COL5A1: variants seen among roughly 807,000 people sequenced by gnomAD.
The protein encoded by COL5A1 is collagen alpha-1(V) chain.
A neutral mutation model predicts 263.7 loss-of-function variants in COL5A1; 16 were observed. The observed-to-expected ratio is 0.06, with a 90% confidence interval of 0.04 to 0.09. The LOEUF is 0.09. Among genes scored for constraint, COL5A1 ranks in the 10% least tolerant of loss-of-function variants. The pLI is 1.00. For missense variants in COL5A1, 2,036 were observed against 2,540.5 expected, an observed-to-expected ratio of 0.80 and a Z score of 4.27; for synonymous variants, 1,012 against 1,004.5, an observed-to-expected ratio of 1.01 and a Z score of -0.14.
chr9:134,683,832 T>A (rs1172170374), intron 1 of COL5A1, among the ~76,000 whole-genome samples: 1 of 152,212 alleles, frequency 6.6e-6, no homozygotes, highest in Non-Finnish European at 1.5e-5. Context: ...CTTTTCTGGC[T>A]GATTGTCTTT....
chr9:134,775,937 C>T (rs1837037397), intron 27 of COL5A1, among the ~76,000 whole-genome samples: 1 of 152,220 alleles, frequency 6.6e-6, no homozygotes, highest in Admixed American at 6.5e-5. Context: ...CGAATCAACC[C>T]TCCTGACTCT....
At position 134,844,406 on chromosome 9, in the gene COL5A1, T is replaced by A. The variant is rs1044774286; in HGVS notation, c.*2103T>A. 1 of 152,666 alleles carries A rather than the reference T, an allele frequency of 6.6e-6. No homozygotes were observed. The highest frequency in any genetic ancestry group is 2.4e-5 in the African/African-American group (1 of 41,442). The allele number at this position is 152,666 out of a possible 1,614,324, so 9.5% of individuals were successfully genotyped here. A position where few individuals can be genotyped will look rare whatever the true frequency, so the allele number is the denominator to read the frequency against. On this transcript the variant is annotated 3_prime_UTR_variant, in exon 66 of 66. Transcript: ENST00000371817. ...TTCATTTCTCATCCCATCCAATTTG[T>A]CCTTTTCTCCTGTCATTTTCTTCCT... is the stretch of plus-strand genomic sequence containing the variant.
intron 3 of COL5A1, 94 bp from the exon 4 acceptor site, chr9:134,701,077 G>A: frequency 7.7e-7 from 1 of 1,301,902 alleles, no homozygotes; most frequent in South Asian, 1.2e-5. Flanking sequence ...GCAGGAAGTG[G>A]GCCTTCTTCC....
intron 30 of COL5A1, 39 bp downstream of exon 30, chr9:134,785,135 G>T (rs754285531): frequency 9.8e-6 from 15 of 1,533,756 alleles, no homozygotes; most frequent in South Asian, 4.5e-5. Context: ...TCTTGGGAGG[G>T]ATCTGACAGG....
intron 43 of COL5A1, 129 bp downstream of exon 43, chr9:134,809,419 AC>A (rs1307231647): frequency 1.3e-6 from 1 of 746,742 alleles, no homozygotes; most frequent in Admixed American, 2.0e-5. Flanking sequence ...TGCCACACCC[AC>A]CCCGCAGTCC....
At chr9:134,738,380 T>G (rs1835178938) in intron 9 of COL5A1, 94 bp from the exon 10 acceptor site, 4 of 1,406,010 alleles carry the variant, frequency 2.8e-6, no homozygotes, top group Non-Finnish European at 4.0e-6. Flanking sequence ...CAGGGCCTCT[T>G]GTGCATGCAG....
At chr9:134,662,762 C>T (rs997683703) in intron 1 of COL5A1, among the ~76,000 whole-genome samples, 16 of 152,166 alleles carry the variant, frequency 1.1e-4, no homozygotes, top group African/African-American at 1.9e-4. Context: ...TGGATGGGGA[C>T]GGGCTAACTC....
intron 65 of COL5A1, among the ~76,000 whole-genome samples, chr9:134,838,360 G>C (rs866378766): frequency 6.6e-6 from 1 of 152,228 alleles, no homozygotes; most frequent in Non-Finnish European, 1.5e-5. Context: ...TGAAGGGAGC[G>C]CAGAGGGTTC....
At chr9:134,697,977 G>T (rs539323565) in intron 2 of COL5A1, among the ~76,000 whole-genome samples, 1 of 152,252 alleles carries the variant, frequency 6.6e-6, no homozygotes, top group South Asian at 2.1e-4. Flanking sequence ...CCAGCTACTT[G>T]GGAGGCTGAG....
At chr9:134,643,767 CG>C (rs1831379241) in intron 1 of COL5A1, among the ~76,000 whole-genome samples, 1 of 152,140 alleles carries the variant, frequency 6.6e-6, no homozygotes, top group Non-Finnish European at 1.5e-5. Flanking sequence ...GTGCCATTGC[CG>C]GGGGACTAGG....
chr9:134,824,336 G>T (rs190638198), intron 61 of COL5A1, among the ~76,000 whole-genome samples: 1 of 152,360 alleles, frequency 6.6e-6, no homozygotes, highest in African/African-American at 2.4e-5. Flanking sequence ...GCCCAAGGCT[G>T]CAAACTGTTA....
At chr9:134,829,409 G>T (rs1163655465) in intron 63 of COL5A1, among the ~76,000 whole-genome samples, 2 of 118,678 alleles carry the variant, frequency 1.7e-5, no homozygotes, top group Non-Finnish European at 1.7e-5. Flanking sequence ...GGCTCCTCAC[G>T]CAGCCTCCGG....
rs10657539 is a variant in COL5A1 at position 134,822,729 on chromosome 9, G to A, written c.4609-269G>A. 0.4 allele frequency among the ~76,000 whole-genome samples: 51,512 copies of A among 129,856 alleles called. 9,719 individuals are homozygous for A. Among genetic ancestry groups the A allele is most frequent in the Non-Finnish European group, 0.46 (28,861 of 62,870 alleles). 85.2% of individuals were successfully genotyped at this position (129,856 alleles called of 152,430 possible). ...TGCTCTTTTCCGCTGCGCCCCCCCC[G>A]CGGCTGTCTGAGCTGGGGTTTCCTA... is the stretch of plus-strand genomic sequence containing the variant. On this transcript the variant is annotated intron_variant, in intron 59 of 65. Transcript: ENST00000371817.
chr9:134,697,257 G>A (rs1204128687), intron 2 of COL5A1, among the ~76,000 whole-genome samples: 1 of 152,112 alleles, frequency 6.6e-6, no homozygotes, highest in Non-Finnish European at 1.5e-5. Flanking sequence ...ATCTCACAGT[G>A]ACAATAAATC....
At chr9:134,761,236 AC>A (rs1173940480) in intron 18 of COL5A1, among the ~76,000 whole-genome samples, 1 of 140,852 alleles carries the variant, frequency 7.1e-6, no homozygotes, top group South Asian at 2.3e-4. Context: ...CACCCCACAT[AC>A]CCCCACACAC....
chr9:134,777,307 C>T (rs550462915), intron 27 of COL5A1, among the ~76,000 whole-genome samples: 1 of 152,238 alleles, frequency 6.6e-6, no homozygotes, highest in African/African-American at 2.4e-5. Flanking sequence ...AGCCGTGCTG[C>T]AGCTCCTGAG....
At position 134,757,847 on chromosome 9, in the gene COL5A1, G is replaced by A. The variant is rs1055060642; in HGVS notation, c.1882-396G>A. Among the ~76,000 whole-genome samples, 4 of 152,194 alleles carry A rather than the reference G, an allele frequency of 2.6e-5. No homozygotes were observed. The highest frequency in any genetic ancestry group is 3.4e-3 in the Middle Eastern group (1 of 294). ...ACCTCCTGAGCGCGGGCAGCCCCTC[G>A]GCACCATGGATACAGCTGTGAGCGG... On this transcript the variant is annotated intron_variant, in intron 17 of 65. Transcript: ENST00000371817. This position sits in a 1 kb window ranked among gnomAD's most constrained non-coding sequence, Gnocchi z 6.2.
intron 19 of COL5A1, among the ~76,000 whole-genome samples, chr9:134,763,141 A>G (rs12555699): frequency 0.13 from 20,134 of 152,184 alleles, 2,299 homozygotes; most frequent in African/African-American, 0.29. Flanking sequence ...GTGAGCATAC[A>G]TGCTTGCATG....
intron 3 of COL5A1, 59 bp from the exon 4 acceptor site, chr9:134,701,112 A>C: frequency 6.3e-7 from 1 of 1,589,520 alleles, no homozygotes; most frequent in Non-Finnish European, 8.6e-7. Context: ...TTTGCAGCAA[A>C]ATTGCTTGAG....
Sources: allele counts gnomAD v4.1 joint callset (sites outside exome capture counted in the v4.1 genomes callset), GRCh38; gene constraint gnomAD v4.1.1; non-coding constraint Gnocchi (gnomAD v3.1); transcripts MANE v1.5; gene names NCBI Gene and HGNC (gene_info 2026-07-23, HGNC 2026-07-21).